RAD51B: variants seen among roughly 807,000 people sequenced by gnomAD.
RAD51B encodes DNA repair protein RAD51 homolog 2.
A neutral mutation model predicts 42.2 loss-of-function variants in RAD51B; 38 were observed. The ratio of observed to expected loss-of-function variants is 0.90; its 90% CI spans 0.70 to 1.18. The LOEUF is 1.18. Among genes scored for constraint, RAD51B ranks in the 50% most tolerant of loss-of-function variants. The probability of loss-of-function intolerance (pLI) is 0.00; values close to 1 mark genes in which losing one functional copy is unlikely to be tolerated. For missense variants in RAD51B, 373 were observed against 400.7 expected (o/e 0.93, Z 0.59); for synonymous variants, 154 against 145.2 (o/e 1.06, Z -0.43).
chr14:68,497,762 A>G (rs1884637084), intron 10 of RAD51B: 2 of 225,736 alleles, frequency 8.9e-6, no homozygotes, highest in Non-Finnish European at 1.8e-5. Flanking sequence ...GATATTTCAT[A>G]TAAATGGAAT....
At chr14:68,028,684 A>G (rs533607074) in intron 7 of RAD51B, among the ~76,000 whole-genome samples, 15 of 152,360 alleles carry the variant, frequency 9.8e-5, no homozygotes, top group African/African-American at 3.6e-4. Flanking sequence ...CAGGCTGGAC[A>G]GGAGAGGCTG....
intron 10 of RAD51B, among the ~76,000 whole-genome samples, chr14:68,604,278 G>A (rs562470664): frequency 3.4e-5 from 4 of 118,710 alleles, no homozygotes; most frequent in Non-Finnish European, 7.0e-5. Flanking sequence ...ACAAGGCCAC[G>A]CCAATGAAGT....
At chr14:68,578,664 G>A (rs755484173) in intron 10 of RAD51B, among the ~76,000 whole-genome samples, 1 of 152,158 alleles carries the variant, frequency 6.6e-6, no homozygotes, top group Non-Finnish European at 1.5e-5. Flanking sequence ...ATGATATAAA[G>A]GAGACCAAGT....
chr14:68,464,105 C>A (rs991693769), intron 9 of RAD51B, among the ~76,000 whole-genome samples: 3 of 152,212 alleles, frequency 2.0e-5, no homozygotes, highest in African/African-American at 7.2e-5. Context: ...GCATCCCAAA[C>A]AATGTGTAGG....
intron 7 of RAD51B, among the ~76,000 whole-genome samples, chr14:67,989,722 CCCACAGG>C (rs2075260725): frequency 6.6e-6 from 1 of 151,834 alleles, no homozygotes; most frequent in Admixed American, 6.6e-5. Context: ...GGGGCAACCC[CCCACAGG>C]CCACAACTGT....
chr14:67,873,370 A>G (rs1455941660), intron 5 of RAD51B, among the ~76,000 whole-genome samples: 2 of 152,184 alleles, frequency 1.3e-5, no homozygotes, highest in Non-Finnish European at 2.9e-5. Context: ...GAGAAATGCA[A>G]CTCAAAACCA....
At chr14:68,205,400 T>C (rs867028968) in intron 7 of RAD51B, among the ~76,000 whole-genome samples, 1 of 152,202 alleles carries the variant, frequency 6.6e-6, no homozygotes, top group Middle Eastern at 3.4e-3. Context: ...AAGGAAGGGA[T>C]AGATATGAAA....
chr14:67,903,720 A>C (rs1266077081), intron 7 of RAD51B, among the ~76,000 whole-genome samples: 1 of 152,186 alleles, frequency 6.6e-6, no homozygotes, highest in African/African-American at 2.4e-5. Context: ...AGTTCTGGAC[A>C]GTGTTACCTG....
At chr14:68,513,202 T>C (rs1192230564) in intron 10 of RAD51B, among the ~76,000 whole-genome samples, 1 of 152,114 alleles carries the variant, frequency 6.6e-6, no homozygotes, top group African/African-American at 2.4e-5. Flanking sequence ...GAGAGGCTCA[T>C]GGAACAACAA....
chr14:68,306,513 CAAGCTGAACAGCTCTCTCAGAGGA>C (rs2081866161), intron 8 of RAD51B: 1 of 359,454 alleles, frequency 2.8e-6, no homozygotes, highest in South Asian at 2.4e-5. Context: ...AGAACAAGCC[CAAGCTGAACAGCTCTCTCAGAGGA>C]AGTCATCTGA....
intron 4 of RAD51B, among the ~76,000 whole-genome samples, chr14:67,854,887 G>A (rs1314517634): frequency 6.6e-6 from 1 of 152,056 alleles, no homozygotes; most frequent in Non-Finnish European, 1.5e-5. Context: ...GATCACTTGA[G>A]CCAGGAGTTC....
chr14:68,225,496 T>A (rs2080018880), intron 7 of RAD51B, among the ~76,000 whole-genome samples: 1 of 152,194 alleles, frequency 6.6e-6, no homozygotes, highest in African/African-American at 2.4e-5. Flanking sequence ...AAAGCATGAT[T>A]GTGGGATGCT....
chr14:68,514,885 G>T (rs1886023447), intron 10 of RAD51B, among the ~76,000 whole-genome samples: 1 of 152,050 alleles, frequency 6.6e-6, no homozygotes. Context: ...GAAATACAAA[G>T]AAAAAAGAGT....
intron 10 of RAD51B, among the ~76,000 whole-genome samples, chr14:68,575,509 T>C (rs956617942): frequency 6.6e-6 from 1 of 152,146 alleles, no homozygotes; most frequent in African/African-American, 2.4e-5. Context: ...TTAGGCCCCA[T>C]TTGAAAAATT....
intron 10 of RAD51B, among the ~76,000 whole-genome samples, chr14:68,610,689 A>G (rs1269570725): frequency 6.6e-6 from 1 of 152,096 alleles, no homozygotes; most frequent in Non-Finnish European, 1.5e-5. Context: ...TCTTCCAGAG[A>G]CACCTCCTGT....
chr14:68,619,461 C>CA (rs371609592), intron 10 of RAD51B, among the ~76,000 whole-genome samples: 60,797 of 123,374 alleles, frequency 0.49, 13,214 homozygotes, highest in East Asian at 0.65. Context: ...GACTCCATCT[C>CA]AAAAAAAAAA....
intron 10 of RAD51B, among the ~76,000 whole-genome samples, chr14:68,606,709 G>A (rs1236967421): frequency 6.6e-6 from 1 of 152,180 alleles, no homozygotes. Flanking sequence ...CATCTTAGAC[G>A]AAAACCTAGG....
intron 7 of RAD51B, among the ~76,000 whole-genome samples, chr14:68,152,919 A>G (rs1037674994): frequency 2.0e-5 from 3 of 152,208 alleles, no homozygotes; most frequent in Non-Finnish European, 2.9e-5. Flanking sequence ...ATGGTCCCAC[A>G]AAAGACATGA....
chr14:67,860,141 A>G (rs538537005), intron 4 of RAD51B, among the ~76,000 whole-genome samples: 28 of 152,310 alleles, frequency 1.8e-4, no homozygotes, highest in African/African-American at 6.5e-4. Flanking sequence ...CTCTTTCATG[A>G]ACAAATACTT....
Sources: allele counts gnomAD v4.1 joint callset (sites outside exome capture counted in the v4.1 genomes callset), GRCh38; gene constraint gnomAD v4.1.1; transcripts MANE v1.5; gene names NCBI Gene and HGNC (gene_info 2026-07-23, HGNC 2026-07-21).